Variants in GRIK2 observed in about 807,000 individuals in gnomAD.
GRIK2 encodes glutamate receptor ionotropic, kainate 2.
Under a neutral mutation model 100.3 loss-of-function variants are expected in GRIK2, and 32 were observed. That is an observed-to-expected ratio of 0.32 (90% confidence interval 0.24 to 0.43). The LOEUF is 0.43. Ranked by LOEUF, GRIK2 falls within the 20% of genes least tolerant of loss-of-function variation. GRIK2 has a pLI of 1.00. For synonymous variants in GRIK2, 417 were observed against 389.4 expected (o/e 1.07, Z -0.83); for missense variants, 843 against 1,114.9 (o/e 0.76, Z 3.47).
chr6:101,904,582 A>G (rs1218509966), intron 12 of GRIK2, among the ~76,000 whole-genome samples: 1 of 151,480 alleles, frequency 6.6e-6, no homozygotes, highest in Non-Finnish European at 1.5e-5. Context: ...AAAGATAATC[A>G]TTGGATACTT....
intron 2 of GRIK2, among the ~76,000 whole-genome samples, chr6:101,514,943 G>C (rs1338608644): frequency 6.6e-6 from 1 of 151,962 alleles, no homozygotes; most frequent in Non-Finnish European, 1.5e-5. Context: ...GAGGTACTTG[G>C]TTACATGAGT....
chr6:101,837,658 T>C (rs1329468374), intron 10 of GRIK2, among the ~76,000 whole-genome samples: 1 of 152,220 alleles, frequency 6.6e-6, no homozygotes, highest in Non-Finnish European at 1.5e-5. Flanking sequence ...TCTGCGAATC[T>C]AGAGCCACTT....
intron 7 of GRIK2, among the ~76,000 whole-genome samples, chr6:101,791,122 C>T (rs1779821545): frequency 6.6e-6 from 1 of 152,084 alleles, no homozygotes; most frequent in African/African-American, 2.4e-5. Flanking sequence ...GTCTTGCTAG[C>T]AGTCTATCAA....
chr6:101,732,837 C>A (rs1020941662), intron 7 of GRIK2, among the ~76,000 whole-genome samples: 1 of 151,986 alleles, frequency 6.6e-6, no homozygotes, highest in African/African-American at 2.4e-5. Context: ...CTCCTCACCC[C>A]ACTCCTTGCT....
chr6:101,542,730 G>A (rs975194667), intron 2 of GRIK2, among the ~76,000 whole-genome samples: 1 of 152,016 alleles, frequency 6.6e-6, no homozygotes, highest in African/African-American at 2.4e-5. Context: ...ATAACTATGA[G>A]CGTGTAAGTG....
chr6:101,710,011 GT>G (rs1773590762), intron 7 of GRIK2, among the ~76,000 whole-genome samples: 1 of 151,822 alleles, frequency 6.6e-6, no homozygotes, highest in Non-Finnish European at 1.5e-5. Context: ...GATGTTCTGA[GT>G]TTATTATTAA....
intron 14 of GRIK2, among the ~76,000 whole-genome samples, chr6:101,966,657 GAAGA>G (rs1414095619): frequency 1.3e-5 from 2 of 152,094 alleles, no homozygotes; most frequent in East Asian, 1.9e-4. Flanking sequence ...ATGGATAAAG[GAAGA>G]GGGACGAATA....
rs992479083 is a variant in GRIK2, at chr6:101,787,986, G to A, written c.952-11662G>A. Among the ~76,000 whole-genome samples the A allele has an allele frequency of 7.2e-5, 11 of 152,044 alleles. 1 individual carries two copies. In the South Asian group the frequency reaches 1.0e-3, roughly 14 times the overall value. Reference sequence around the variant, plus strand: ...ATATATTTAGGTGCCCTGCTGATGGGTGCATAAATATTTAGAAATGTCCTC... The same window carrying A: ...ATATATTTAGGTGCCCTGCTGATGGATGCATAAATATTTAGAAATGTCCTC... On this transcript the variant is annotated intron_variant, in intron 7 of 16. Coordinates refer to ENST00000369134, the MANE Select transcript of GRIK2 (RefSeq NM_021956.5).
At chr6:101,743,849 C>A (rs1776205329) in intron 7 of GRIK2, among the ~76,000 whole-genome samples, 1 of 152,092 alleles carries the variant, frequency 6.6e-6, no homozygotes, top group South Asian at 2.1e-4. Flanking sequence ...TTTTTGGGAA[C>A]AGGTGGTATT....
chr6:101,776,233 C>A (rs1778737978), intron 7 of GRIK2, among the ~76,000 whole-genome samples: 1 of 152,074 alleles, frequency 6.6e-6, no homozygotes, highest in African/African-American at 2.4e-5. Flanking sequence ...TTTGTTCAGG[C>A]AGTAATTTGC....
intron 14 of GRIK2, among the ~76,000 whole-genome samples, chr6:102,006,823 T>A (rs1346375909): frequency 1.3e-5 from 2 of 152,118 alleles, no homozygotes; most frequent in African/African-American, 4.8e-5. Flanking sequence ...TCGCAAATAA[T>A]CATATCTTAT....
intron 14 of GRIK2, among the ~76,000 whole-genome samples, chr6:101,958,283 G>GTGTGTGTGTGTGTGTGTGTGTGT (rs71028091): frequency 2.7e-4 from 41 of 150,856 alleles, no homozygotes; most frequent in East Asian, 5.9e-4. Flanking sequence ...GTGTGTGTGT[G>GTGTGTGTGTGTGTGTGTGTGTGT]GGTCCATTGC....
chr6:101,705,261 T>C (rs911343219), intron 7 of GRIK2, among the ~76,000 whole-genome samples: 3 of 151,592 alleles, frequency 2.0e-5, no homozygotes, highest in African/African-American at 7.2e-5. Context: ...AGTAAAGTAA[T>C]GCACCTTAAT....
intron 4 of GRIK2, among the ~76,000 whole-genome samples, chr6:101,649,357 C>T (rs1331106317): frequency 6.6e-6 from 1 of 152,070 alleles, no homozygotes; most frequent in Non-Finnish European, 1.5e-5. Context: ...GCAACGTGCC[C>T]AAGGTCACAC....
chr6:101,607,634 C>A (rs1461799639), intron 2 of GRIK2, among the ~76,000 whole-genome samples: 1 of 151,822 alleles, frequency 6.6e-6, no homozygotes, highest in Non-Finnish European at 1.5e-5. Flanking sequence ...TTTAAGCATT[C>A]TAGAAGCTAC....
chr6:101,676,704 C>T lies in GRIK2; in HGVS notation c.623C>T (p.Thr208Ile), dbSNP rs1433058993. 1.9e-6 allele frequency: 3 copies of T among 1,603,044 alleles called. No individual in the cohort carries two copies. The highest frequency in any genetic ancestry group is 3.4e-5 in the Admixed American group (2 of 59,576). Reference protein sequence around the residue: ...RLKIRQLPADTKDAKPLLKEM... With the variant: ...RLKIRQLPADIKDAKPLLKEM... The stretch of plus-strand genomic sequence containing the variant: ...AAAATTCGTCAGTTACCTGCTGATA[C>T]AAAGGATGCAAAACCCTTACTAAAA... The change falls in exon 5 of 17, where the codon ACA becomes ATA. Residue 208 changes from threonine (T) to isoleucine (I), a missense_variant. By Grantham distance (89) the Thr-to-Ile change is moderately conservative (BLOSUM62 -1). Coordinates refer to ENST00000369134, the MANE Select transcript of GRIK2 (RefSeq NM_021956.5).
chr6:101,988,122 TGTGTGTGTGTGC>T (rs1188526068), intron 14 of GRIK2, among the ~76,000 whole-genome samples: 10 of 38,732 alleles, frequency 2.6e-4, no homozygotes, highest in South Asian at 1.8e-3. Context: ...TGTGTGTGTG[TGTGTGTGTGTGC>T]GCGCGCGCGC....
At chr6:101,497,523 T>C (rs891729241) in intron 2 of GRIK2, among the ~76,000 whole-genome samples, 53 of 152,248 alleles carry the variant, frequency 3.5e-4, no homozygotes, top group African/African-American at 1.2e-3. Context: ...GATTGTCACA[T>C]TTTAAATAAG....
chr6:101,485,264 A>C (rs1330946513), intron 2 of GRIK2, among the ~76,000 whole-genome samples: 1 of 152,200 alleles, frequency 6.6e-6, no homozygotes, highest in Non-Finnish European at 1.5e-5. Flanking sequence ...CATAGAGGTT[A>C]AATTATTTTC....
Sources: allele counts gnomAD v4.1 joint callset (sites outside exome capture counted in the v4.1 genomes callset), GRCh38; gene constraint gnomAD v4.1.1; transcripts MANE v1.5; gene names NCBI Gene and HGNC (gene_info 2026-07-23, HGNC 2026-07-21).